NUP98: variants seen among roughly 807,000 people sequenced by gnomAD.
The protein encoded by NUP98 is nucleoporin 98 and 96 precursor.
In NUP98, 26 loss-of-function variants were observed where a neutral mutation model predicts 191.9. The observed-to-expected ratio is 0.14, with a 90% CI of 0.10 to 0.19. The LOEUF is 0.19. Ranked by LOEUF, NUP98 falls within the 10% of genes least tolerant of loss-of-function variation. The probability of loss-of-function intolerance (pLI) is 1.00; values close to 1 mark genes in which losing one functional copy is unlikely to be tolerated. For synonymous variants in NUP98, 808 were observed against 778.4 expected, an observed-to-expected ratio of 1.04 and a Z score of -0.63; for missense variants, 1,941 against 2,178.8, an observed-to-expected ratio of 0.89 and a Z score of 2.17.
intron 27 of NUP98, 21 bp from the exon 28 acceptor site, chr11:3,691,510 A>C: frequency 6.2e-7 from 1 of 1,613,054 alleles, no homozygotes. Flanking sequence ...AATTTGATAA[A>C]ACAATACATT....
intron 11 of NUP98, among the ~76,000 whole-genome samples, chr11:3,745,771 A>G (rs1318521071): frequency 6.6e-6 from 1 of 152,134 alleles, no homozygotes; most frequent in Non-Finnish European, 1.5e-5. Context: ...TCTTTTTAAC[A>G]TATCAACTGC....
intron 17 of NUP98, 37 bp from the exon 18 acceptor site, chr11:3,719,587 T>C (rs1317140960): frequency 1.4e-6 from 2 of 1,463,836 alleles, no homozygotes; most frequent in South Asian, 1.4e-5. Context: ...ATTCATTCTG[T>C]ATGAAGGCAA....
At chr11:3,764,341 A>G (rs1855297224) in intron 8 of NUP98, among the ~76,000 whole-genome samples, 1 of 152,190 alleles carries the variant, frequency 6.6e-6, no homozygotes, top group African/African-American at 2.4e-5. Flanking sequence ...TTGGTTACCC[A>G]TTCATTGTTA....
At chr11:3,773,139 T>C (rs1026659321) in intron 6 of NUP98, among the ~76,000 whole-genome samples, 8 of 152,122 alleles carry the variant, frequency 5.3e-5, no homozygotes, top group Non-Finnish European at 1.2e-4. Flanking sequence ...CAGTGGCTCA[T>C]GCCTGTTATC....
chr11:3,717,790 G>C (rs1564838465), intron 18 of NUP98, among the ~76,000 whole-genome samples: 2 of 152,188 alleles, frequency 1.3e-5, no homozygotes, highest in Non-Finnish European at 2.9e-5. Flanking sequence ...CCTTTATTAT[G>C]AAAGAGTGTT....
At chr11:3,748,771 T>C (rs1256388080) in intron 11 of NUP98, among the ~76,000 whole-genome samples, 1 of 152,058 alleles carries the variant, frequency 6.6e-6, no homozygotes, top group African/African-American at 2.4e-5. Context: ...TCCTACAGGG[T>C]TGGAAGAAAC....
rs565949777 is a variant in NUP98, at chr11:3,685,902, A to G, written c.4676+71T>C. On this transcript the variant is annotated intron_variant, in intron 29 of 32. Coordinates refer to ENST00000324932, the MANE Select transcript of NUP98 (RefSeq NM_016320.5). ...CAATTACTTGCTAAACTGAACCCTG[A>G]AAGACTGATTCCTTTGGAATTGCCC... The G allele has an allele frequency of 1.6e-5, 20 of 1,232,786 alleles. No homozygotes were observed. In the East Asian group the frequency reaches 4.7e-4, roughly 29 times the overall value. The allele number at this position is 1,232,786 out of a possible 1,614,324, so 76.4% of individuals were successfully genotyped here. A position where few individuals can be genotyped will look rare whatever the true frequency, so the allele number is the denominator to read the frequency against.
chr11:3,760,488 C>T, intron 10 of NUP98, 51 bp downstream of exon 10: 4 of 1,613,768 alleles, frequency 2.5e-6, no homozygotes, highest in Non-Finnish European at 3.4e-6. Flanking sequence ...TTATATGTAC[C>T]AAAATTAGAA....
intron 12 of NUP98, among the ~76,000 whole-genome samples, chr11:3,735,925 TAC>T (rs34958738): frequency 0.81 from 121,426 of 150,622 alleles, 49,417 homozygotes; most frequent in East Asian, 0.96. Flanking sequence ...TTTGTGCGTG[TAC>T]ACACACACAC....
At chr11:3,706,272 C>T (rs2078856622) in intron 21 of NUP98, among the ~76,000 whole-genome samples, 173 bp downstream of exon 21, 1 of 152,150 alleles carries the variant, frequency 6.6e-6, no homozygotes, top group African/African-American at 2.4e-5. Flanking sequence ...ATAGCCTTAT[C>T]TCCTTGAATA....
intron 25 of NUP98, among the ~76,000 whole-genome samples, chr11:3,698,036 G>C (rs1478027304): frequency 6.6e-6 from 1 of 151,924 alleles, no homozygotes; most frequent in African/African-American, 2.4e-5. Flanking sequence ...TCAGAGTACT[G>C]TTTATAGTTT....
At chr11:3,720,582 T>C (rs1403092218) in intron 17 of NUP98, 130 bp downstream of exon 17, 2 of 482,766 alleles carry the variant, frequency 4.1e-6, no homozygotes, top group East Asian at 6.7e-5. Flanking sequence ...TCAATCAAAG[T>C]ATTTAAGATT....
intron 30 of NUP98, among the ~76,000 whole-genome samples, chr11:3,681,167 A>C (rs930908371): frequency 6.6e-6 from 1 of 151,966 alleles, no homozygotes; most frequent in African/African-American, 2.4e-5. Context: ...CAGCCTCCCA[A>C]ATAGCTGGGA....
chr11:3,742,989 C>T (rs1008191950), intron 12 of NUP98, among the ~76,000 whole-genome samples: 1 of 151,950 alleles, frequency 6.6e-6, no homozygotes, highest in Non-Finnish European at 1.5e-5. Flanking sequence ...TTTTTCACTT[C>T]CTGTGGAATA....
Position 3,675,812 on chromosome 11 carries a change from G to A in NUP98, c.*347C>T. ...AGGGTAGGAGTAGGGAAGCTGGTTG[G>A]CATGGAGGGTCACAAGATCCAGAAT... On this transcript the variant is annotated 3_prime_UTR_variant, in exon 33 of 33. Coordinates refer to ENST00000324932, the MANE Select transcript of NUP98 (RefSeq NM_016320.5). The A allele has an allele frequency of 2.5e-6, 1 of 397,764 alleles. No individual in the cohort carries two copies. The highest frequency in any genetic ancestry group is 4.6e-6 in the Non-Finnish European group (1 of 215,928). The allele number at this position is 397,764 out of a possible 1,614,324, so 24.6% of individuals were successfully genotyped here.
At chr11:3,732,897 T>C (rs1455193716) in intron 13 of NUP98, among the ~76,000 whole-genome samples, 2 of 152,248 alleles carry the variant, frequency 1.3e-5, no homozygotes, top group African/African-American at 4.8e-5. Flanking sequence ...CTTTCACAAT[T>C]CTTTGGCTGG....
At chr11:3,781,888 T>C (rs1440462057) in intron 2 of NUP98, among the ~76,000 whole-genome samples, 154 bp downstream of exon 2, 3 of 152,324 alleles carry the variant, frequency 2.0e-5, no homozygotes, top group East Asian at 1.9e-4. Context: ...TTAAAAACTG[T>C]TAAAGAGATC....
chr11:3,755,407 G>C (rs1273180926), intron 10 of NUP98, among the ~76,000 whole-genome samples: 1 of 151,972 alleles, frequency 6.6e-6, no homozygotes, highest in Non-Finnish European at 1.5e-5. Context: ...GAGGGTTACA[G>C]TGAGCTGAGA....
intron 14 of NUP98, among the ~76,000 whole-genome samples, chr11:3,726,930 T>TA (rs894957706): frequency 6.6e-6 from 1 of 151,794 alleles, no homozygotes; most frequent in African/African-American, 2.4e-5. Context: ...TCTGGCTAAT[T>TA]AAAAAAAAAT....
Sources: allele counts gnomAD v4.1 joint callset (sites outside exome capture counted in the v4.1 genomes callset), GRCh38; gene constraint gnomAD v4.1.1; transcripts MANE v1.5; gene names NCBI Gene and HGNC (gene_info 2026-07-23, HGNC 2026-07-21).